Variants in ARNT2 observed in about 807,000 individuals in gnomAD.
ARNT2 encodes ARNT protein 2.
In ARNT2, 36 loss-of-function variants were observed where a neutral mutation model predicts 91.7. The observed-to-expected ratio is 0.39, with a 90% CI of 0.30 to 0.52. ARNT2 has a LOEUF of 0.52. ARNT2 is among the 20% of genes least tolerant of loss of function. ARNT2 has a pLI of 0.72. For missense variants in ARNT2, 775 were observed against 939.3 expected (o/e 0.83, Z 2.29); for synonymous variants, 365 against 347.1 (o/e 1.05, Z -0.57).
chr15:80,512,832 G>A (rs375250263), intron 6 of ARNT2, among the ~76,000 whole-genome samples: 5 of 152,314 alleles, frequency 3.3e-5, no homozygotes, highest in African/African-American at 1.2e-4. Flanking sequence ...CGTGATATTG[G>A]TTGCTCTTTG....
At chr15:80,431,939 T>G (rs1350617254) in intron 1 of ARNT2, among the ~76,000 whole-genome samples, 1 of 152,184 alleles carries the variant, frequency 6.6e-6, no homozygotes, top group Non-Finnish European at 1.5e-5. Flanking sequence ...AACCGGCCAT[T>G]CTGGGGTCGC....
chr15:80,411,123 C>T (rs1327181782), intron 1 of ARNT2, among the ~76,000 whole-genome samples: 1 of 152,200 alleles, frequency 6.6e-6, no homozygotes, highest in African/African-American at 2.4e-5. Context: ...TGAATTCTTA[C>T]TCCATTAGGG....
At chr15:80,459,034 T>C (rs374164937) in intron 3 of ARNT2, among the ~76,000 whole-genome samples, 3 of 152,204 alleles carry the variant, frequency 2.0e-5, no homozygotes, top group Non-Finnish European at 4.4e-5. Context: ...TTTTACAAAC[T>C]GCATTGCGAT....
At position 80,574,991 on chromosome 15, in the gene ARNT2, C is replaced by G; in HGVS notation, c.1394C>G (p.Pro465Arg). 4 of 1,614,000 alleles carry G rather than the reference C, an allele frequency of 2.5e-6. No individual in the cohort carries two copies. The highest frequency in any genetic ancestry group is 3.4e-6 in the Non-Finnish European group (4 of 1,179,890). ...GLSSYDLSQVPVPNLPAGVHE... is the reference protein window; with the variant it reads ...GLSSYDLSQVRVPNLPAGVHE... ...TTTTATTTAATGTGCAAATAGGTCC[C>G]CGTCCCCAACCTACCAGCCGGTGTT... is the stretch of plus-strand genomic sequence containing the variant. The change falls in exon 14 of 19, where the codon CCC becomes CGC. Residue 465 changes from proline to arginine, a missense_variant. Transcript: ENST00000303329.
chr15:80,510,267 G>C (rs73496327), intron 6 of ARNT2, among the ~76,000 whole-genome samples: 2,988 of 152,162 alleles, frequency 0.02, 75 homozygotes, highest in African/African-American at 0.068. Flanking sequence ...AAGGTTGTTG[G>C]GGGGAGCTGG....
intron 15 of ARNT2, among the ~76,000 whole-genome samples, chr15:80,579,295 C>G (rs995050106): frequency 4.6e-5 from 7 of 152,116 alleles, no homozygotes; most frequent in Non-Finnish European, 1.0e-4. Flanking sequence ...GGGAAAGGAG[C>G]CCTTATGTTA....
chr15:80,421,047 T>G (rs529563995), intron 1 of ARNT2, among the ~76,000 whole-genome samples: 1 of 152,280 alleles, frequency 6.6e-6, no homozygotes, highest in East Asian at 1.9e-4. Context: ...ATTTGGTATA[T>G]ATACACCATG....
chr15:80,426,237 A>G (rs1375510716), intron 1 of ARNT2, among the ~76,000 whole-genome samples: 1 of 152,240 alleles, frequency 6.6e-6, no homozygotes, highest in Non-Finnish European at 1.5e-5. Context: ...GATACAAGAG[A>G]AAAGAGAGAA....
intron 1 of ARNT2, among the ~76,000 whole-genome samples, chr15:80,447,053 AC>A (rs982279384): frequency 1.2e-4 from 19 of 152,212 alleles, no homozygotes; most frequent in African/African-American, 4.3e-4. Flanking sequence ...ATAAAATAAA[AC>A]CCACCTATAA....
rs568561409 is a variant in ARNT2 at position 80,505,746 on chromosome 15, G to A, written c.623-2410G>A. ...CTAGTTTGAGCAACTGGGTAGTGGT[G>A]GTGCCAATGACAAAGATAGGGGACT... On this transcript the variant is annotated intron_variant, in intron 5 of 18. Transcript: ENST00000303329. Among the ~76,000 whole-genome samples, 295 of 152,146 alleles carry A rather than the reference G, an allele frequency of 1.9e-3. 1 individual carries two copies. In the Middle Eastern group the frequency reaches 0.031, roughly 16 times the overall value.
chr15:80,487,347 T>C (rs1281135964), intron 5 of ARNT2, among the ~76,000 whole-genome samples: 1 of 152,118 alleles, frequency 6.6e-6, no homozygotes, highest in Non-Finnish European at 1.5e-5. Context: ...GTCAGGGCTG[T>C]TTTTGCTGAG....
chr15:80,460,593 T>A (rs916702360), intron 3 of ARNT2, among the ~76,000 whole-genome samples: 1 of 152,214 alleles, frequency 6.6e-6, no homozygotes, highest in African/African-American at 2.4e-5. Context: ...TTCGGGGAGC[T>A]GTGATATGCA....
chr15:80,502,982 C>G lies in ARNT2; in HGVS notation c.623-5174C>G, dbSNP rs114584536. Among the ~76,000 whole-genome samples, 875 of 152,328 alleles carry G rather than the reference C, an allele frequency of 5.7e-3. 14 individuals carry two copies. The highest frequency in any genetic ancestry group is 0.019 in the African/African-American group (809 of 41,572). ...AGTCCTTCAGACCCAGTGGATGAGG[C>G]TGGGGAGCAGGGATTCTAGAAGGAG... On this transcript the variant is annotated intron_variant, in intron 5 of 18. Coordinates refer to ENST00000303329, the MANE Select transcript of ARNT2 (RefSeq NM_014862.4).
chr15:80,595,630 AACTT>A lies in ARNT2; in HGVS notation c.*1934_*1937del, dbSNP rs1216249794. ...TGCATGACTGCAGTTCCTAGACTCT[AACTT>A]AACCCCAACTTTGCAGTTTCTAGAG... On this transcript the variant is annotated 3_prime_UTR_variant, in exon 19 of 19. Coordinates refer to ENST00000303329, the MANE Select transcript of ARNT2 (RefSeq NM_014862.4). 4 of 152,232 alleles carry A rather than the reference AACTT, an allele frequency of 2.6e-5. No individual in the cohort carries two copies. Among genetic ancestry groups the A allele is most frequent in the Non-Finnish European group, 5.9e-5 (4 of 68,070 alleles). 9.4% of individuals were successfully genotyped at this position (152,232 alleles called of 1,614,324 possible). A position where few individuals can be genotyped will look rare whatever the true frequency, so the allele number is the denominator to read the frequency against.
At chr15:80,457,884 T>C in intron 2 of ARNT2, 45 bp from the exon 3 acceptor site, 1 of 1,605,472 alleles carries the variant, frequency 6.2e-7, no homozygotes, top group South Asian at 1.1e-5. Flanking sequence ...CCAGTTAAAA[T>C]GTTCTCCTAA....
At chr15:80,413,436 A>G (rs1895718666) in intron 1 of ARNT2, among the ~76,000 whole-genome samples, 1 of 152,228 alleles carries the variant, frequency 6.6e-6, no homozygotes, top group Non-Finnish European at 1.5e-5. Flanking sequence ...GCATGCGGCC[A>G]GGTGATTTCT....
At chr15:80,502,331 TGAG>T (rs1487592010) in intron 5 of ARNT2, among the ~76,000 whole-genome samples, 3 of 152,056 alleles carry the variant, frequency 2.0e-5, no homozygotes, top group Non-Finnish European at 4.4e-5. Flanking sequence ...TGCTCAGAAT[TGAG>T]GAGGACACGT....
chr15:80,526,486 C>T (rs892703500), intron 8 of ARNT2, among the ~76,000 whole-genome samples: 25 of 152,228 alleles, frequency 1.6e-4, no homozygotes, highest in South Asian at 6.2e-4. Context: ...TAGTAACCAT[C>T]GTCCGACCTG....
chr15:80,422,172 G>A (rs1231674676), intron 1 of ARNT2, among the ~76,000 whole-genome samples: 2 of 152,138 alleles, frequency 1.3e-5, no homozygotes, highest in Admixed American at 1.3e-4. Context: ...AAAGAGAAGA[G>A]GCTGATACTT....
Sources: allele counts gnomAD v4.1 joint callset (sites outside exome capture counted in the v4.1 genomes callset), GRCh38; gene constraint gnomAD v4.1.1; transcripts MANE v1.5; gene names NCBI Gene and HGNC (gene_info 2026-07-23, HGNC 2026-07-21).